The following PTPRM variants were observed in gnomAD, a reference collection of about 807,000 sequenced individuals.
The protein encoded by PTPRM is protein tyrosine phosphatase receptor type M.
A neutral mutation model predicts 186.7 loss-of-function variants in PTPRM; 47 were observed. That is an observed-to-expected ratio of 0.25 (90% CI 0.20 to 0.32). PTPRM has a LOEUF of 0.32. PTPRM is among the 10% of genes least tolerant of loss of function. PTPRM has a pLI of 1.00. For missense variants in PTPRM, 1,494 were observed against 1,865.0 expected, an observed-to-expected ratio of 0.80 and a Z score of 3.66; for synonymous variants, 668 against 674.9, an observed-to-expected ratio of 0.99 and a Z score of 0.16.
At chr18:7,874,721 T>A (rs997721453) in intron 2 of PTPRM, among the ~76,000 whole-genome samples, 1 of 152,178 alleles carries the variant, frequency 6.6e-6, no homozygotes, top group Non-Finnish European at 1.5e-5. Context: ...CCAGCCAAGC[T>A]TAGAGATACA....
At chr18:7,885,384 C>A (rs530470198) in intron 2 of PTPRM, among the ~76,000 whole-genome samples, 11 of 152,206 alleles carry the variant, frequency 7.2e-5, no homozygotes, top group African/African-American at 2.7e-4. Flanking sequence ...CCAAACCCCC[C>A]TTCTTGCCAC....
At chr18:7,862,877 A>G (rs1307970210) in intron 2 of PTPRM, among the ~76,000 whole-genome samples, 1 of 152,160 alleles carries the variant, frequency 6.6e-6, no homozygotes, top group Non-Finnish European at 1.5e-5. Flanking sequence ...GGATGTCTAC[A>G]ACTCTCTAAG....
In PTPRM at chr18:8,264,594, C is replaced by T. The variant is rs190188876; in HGVS notation, c.2754+11180C>T. Among the ~76,000 whole-genome samples, 25 of 152,050 alleles carry T rather than the reference C, an allele frequency of 1.6e-4. No homozygotes were observed. The East Asian group carries it at 1.7e-3, about 11-fold the overall frequency. ...GACCATCCTGGCCAACACAGCGAAACGCTGTCTCTACTAAAATACAAAAAA... is the reference window on the plus strand; with the variant it reads ...GACCATCCTGGCCAACACAGCGAAATGCTGTCTCTACTAAAATACAAAAAA... On this transcript the variant is annotated intron_variant, in intron 19 of 32. Coordinates refer to ENST00000580170, the MANE Select transcript of PTPRM (RefSeq NM_001105244.2).
At chr18:8,253,925 T>A (rs2094552568) in intron 19 of PTPRM, among the ~76,000 whole-genome samples, 2 of 152,158 alleles carry the variant, frequency 1.3e-5, no homozygotes, top group Non-Finnish European at 2.9e-5. Flanking sequence ...TTTTTTCCCT[T>A]TTTTTCTTCT....
At chr18:8,401,174 G>A (rs2148639335) in intron 32 of PTPRM, among the ~76,000 whole-genome samples, 1 of 152,222 alleles carries the variant, frequency 6.6e-6, no homozygotes, top group South Asian at 2.1e-4. Flanking sequence ...CCAGACCTGA[G>A]TCCAACCTGA....
chr18:8,185,650 G>T lies in PTPRM; in HGVS notation c.2300+41871G>T, dbSNP rs1402299409. ...GTTCATCTCTATGACCCGTCTTTGT[G>T]TGTCTTGTTAATAGATGTTTCCCAG... On this transcript the variant is annotated intron_variant, in intron 14 of 32. Transcript: ENST00000580170. Among the ~76,000 whole-genome samples the T allele has an allele frequency of 2.6e-5, 4 of 152,178 alleles. No homozygotes were observed. In the East Asian group the frequency reaches 7.7e-4, roughly 29 times the overall value.
At chr18:8,018,637 C>T (rs544111878) in intron 7 of PTPRM, among the ~76,000 whole-genome samples, 170 of 152,072 alleles carry the variant, frequency 1.1e-3, no homozygotes, top group African/African-American at 3.5e-3. Flanking sequence ...ATTAATTTCC[C>T]TTTTTTTATG....
At chr18:8,070,218 A>G (rs1373707112) in intron 8 of PTPRM, among the ~76,000 whole-genome samples, 1 of 151,642 alleles carries the variant, frequency 6.6e-6, no homozygotes, top group Non-Finnish European at 1.5e-5. Flanking sequence ...ACTTTTCTAT[A>G]TATAATCATT....
At chr18:8,063,654 G>A (rs998284564) in intron 7 of PTPRM, among the ~76,000 whole-genome samples, 2 of 151,982 alleles carry the variant, frequency 1.3e-5, no homozygotes, top group Admixed American at 6.6e-5. Flanking sequence ...TATGGATTTA[G>A]GGGTACAAGT....
At chr18:7,916,520 A>G (rs2146674446) in intron 4 of PTPRM, among the ~76,000 whole-genome samples, 1 of 152,328 alleles carries the variant, frequency 6.6e-6, no homozygotes, top group South Asian at 2.1e-4. Flanking sequence ...CGGTCAGGTT[A>G]TGGTGAGGAC....
chr18:7,767,864 G>A (rs1326636706), intron 1 of PTPRM, among the ~76,000 whole-genome samples: 1 of 152,138 alleles, frequency 6.6e-6, no homozygotes, highest in African/African-American at 2.4e-5. Context: ...GGTTCTTCCT[G>A]GGATACACCA....
At chr18:8,391,300 C>T (rs2095810673) in intron 31 of PTPRM, among the ~76,000 whole-genome samples, 2 of 152,200 alleles carry the variant, frequency 1.3e-5, no homozygotes, top group African/African-American at 4.8e-5. Context: ...AAAAGATAAG[C>T]TTATCACAGG....
chr18:7,826,060 G>A (rs753497471), intron 2 of PTPRM, among the ~76,000 whole-genome samples: 6 of 152,096 alleles, frequency 3.9e-5, no homozygotes. Context: ...TGGCATCCCC[G>A]TCAACCTGAT....
chr18:7,911,554 AT>A (rs1450714414), intron 4 of PTPRM, among the ~76,000 whole-genome samples: 4 of 152,152 alleles, frequency 2.6e-5, no homozygotes, highest in Non-Finnish European at 5.9e-5. Context: ...TCCTTTCCCC[AT>A]TTTTAATTGA....
At chr18:8,218,998 A>C (rs2377738) in intron 14 of PTPRM, among the ~76,000 whole-genome samples, 84,077 of 152,062 alleles carry the variant, frequency 0.55, 23,859 homozygotes, top group East Asian at 0.77. Context: ...AGCTCTCTGC[A>C]TCATGCAGTA....
At chr18:7,886,765 C>A (rs2048808154) in intron 2 of PTPRM, among the ~76,000 whole-genome samples, 1 of 152,150 alleles carries the variant, frequency 6.6e-6, no homozygotes, top group Non-Finnish European at 1.5e-5. Flanking sequence ...CACCTCATAG[C>A]TGTAAAGGTA....
At chr18:8,149,670 GT>G (rs573413110) in intron 14 of PTPRM, among the ~76,000 whole-genome samples, 178 of 119,930 alleles carry the variant, frequency 1.5e-3, no homozygotes, top group Non-Finnish European at 1.2e-3. Flanking sequence ...ATTGTTATAT[GT>G]GAATTTGATC....
At chr18:8,100,322 G>A (rs1201413074) in intron 11 of PTPRM, among the ~76,000 whole-genome samples, 1 of 152,114 alleles carries the variant, frequency 6.6e-6, no homozygotes, top group East Asian at 1.9e-4. Context: ...TGTATTTTTA[G>A]TAGAGACGGG....
At chr18:8,394,771 G>T (rs964827434) in intron 32 of PTPRM, among the ~76,000 whole-genome samples, 160 bp downstream of exon 32, 1 of 152,136 alleles carries the variant, frequency 6.6e-6, no homozygotes, top group East Asian at 1.9e-4. Context: ...CTTCTTTCTT[G>T]TTCTCCCTCT....
Sources: gnomAD v4.1 joint callset for allele counts (sites outside exome capture counted in the v4.1 genomes callset) on GRCh38, gnomAD v4.1.1 for gene constraint, MANE v1.5 for transcripts, NCBI Gene and HGNC (gene_info 2026-07-23, HGNC 2026-07-21) for gene names.